SDK1: variants seen among roughly 807,000 people sequenced by gnomAD.
SDK1 encodes sidekick cell adhesion molecule 1.
A neutral mutation model predicts 245.5 loss-of-function variants in SDK1; 157 were observed. The observed-to-expected ratio is 0.64, with a 90% CI of 0.56 to 0.73. SDK1 has a LOEUF of 0.73. Among genes scored for constraint, SDK1 ranks in the 30% least tolerant of loss-of-function variants. The pLI, the probability that SDK1 is intolerant of heterozygous loss-of-function variation, is 0.00. For synonymous variants in SDK1, 1,647 were observed against 1,278.5 expected, an observed-to-expected ratio of 1.29 and a Z score of -6.15; for missense variants, 3,583 against 3,002.3, an observed-to-expected ratio of 1.19 and a Z score of -4.52.
intron 4 of SDK1, among the ~76,000 whole-genome samples, chr7:3,818,564 C>A (rs1423546650): frequency 1.3e-5 from 2 of 152,128 alleles, no homozygotes; most frequent in African/African-American, 2.4e-5. Flanking sequence ...GTGCATAGAA[C>A]CCTTAAATCC....
intron 14 of SDK1, among the ~76,000 whole-genome samples, chr7:3,999,931 G>A (rs1010531002): frequency 5.3e-5 from 8 of 152,178 alleles, no homozygotes; most frequent in South Asian, 2.1e-4. Flanking sequence ...CCAGACCCGA[G>A]TCTTGTACAA....
chr7:4,264,458 TCC>T (rs1788309163), intron 44 of SDK1, among the ~76,000 whole-genome samples: 1 of 126,284 alleles, frequency 7.9e-6, no homozygotes, highest in Admixed American at 8.4e-5. Context: ...CGTGGACCTC[TCC>T]TGAGTGAGGG....
intron 22 of SDK1, among the ~76,000 whole-genome samples, chr7:4,093,258 GT>G: frequency 6.6e-6 from 1 of 152,082 alleles, no homozygotes; most frequent in Middle Eastern, 3.4e-3. Context: ...AATGTTATAT[GT>G]TTTCATTTGC....
chr7:4,169,953 C>A (rs539302526), intron 32 of SDK1, among the ~76,000 whole-genome samples: 14 of 152,320 alleles, frequency 9.2e-5, no homozygotes, highest in African/African-American at 3.1e-4. Flanking sequence ...GAGAACACTT[C>A]CTTGGGGCTC....
chr7:3,510,116 T>C (rs892392103), intron 1 of SDK1, among the ~76,000 whole-genome samples: 2 of 152,172 alleles, frequency 1.3e-5, no homozygotes, highest in African/African-American at 2.4e-5. Flanking sequence ...GTCGACCTTA[T>C]CAAAAGTAGG....
intron 1 of SDK1, among the ~76,000 whole-genome samples, chr7:3,418,847 A>C (rs1468370016): frequency 6.6e-6 from 1 of 152,080 alleles, no homozygotes; most frequent in Non-Finnish European, 1.5e-5. Context: ...GATCTCCCCT[A>C]CCCCTCGCCT....
intron 22 of SDK1, among the ~76,000 whole-genome samples, chr7:4,096,775 C>T (rs977088320): frequency 1.8e-4 from 27 of 151,888 alleles, no homozygotes; most frequent in African/African-American, 6.3e-4. Flanking sequence ...GCCAGCAGGG[C>T]AGGTTCAGGC....
intron 2 of SDK1, among the ~76,000 whole-genome samples, chr7:3,631,853 A>G (rs569952323): frequency 3.9e-5 from 6 of 152,320 alleles, no homozygotes; most frequent in South Asian, 2.1e-4. Context: ...ATTGTTGACA[A>G]ATACTCCCGA....
chr7:4,000,139 A>G (rs903312816), intron 14 of SDK1, among the ~76,000 whole-genome samples: 1 of 152,224 alleles, frequency 6.6e-6, no homozygotes, highest in South Asian at 2.1e-4. Flanking sequence ...AGGGGGCCCA[A>G]GATGGCCTAG....
At chr7:3,452,778 G>A (rs1780554866) in intron 1 of SDK1, among the ~76,000 whole-genome samples, 1 of 152,162 alleles carries the variant, frequency 6.6e-6, no homozygotes, top group African/African-American at 2.4e-5. Context: ...CCCCGCTGTT[G>A]ACTGTTTCCA....
At chr7:3,363,419 C>T (rs538583619) in intron 1 of SDK1, among the ~76,000 whole-genome samples, 1 of 151,944 alleles carries the variant, frequency 6.6e-6, no homozygotes, top group Non-Finnish European at 1.5e-5. Context: ...AATAAAGTCG[C>T]TATAAACATT....
intron 35 of SDK1, among the ~76,000 whole-genome samples, chr7:4,193,894 A>C (rs1305108497): frequency 6.6e-6 from 1 of 152,166 alleles, no homozygotes; most frequent in East Asian, 1.9e-4. Flanking sequence ...ACATGGTCAG[A>C]GGTATTATGT....
chr7:4,061,432 A>G (rs1156816971), intron 19 of SDK1, among the ~76,000 whole-genome samples: 1 of 152,170 alleles, frequency 6.6e-6, no homozygotes, highest in Admixed American at 6.5e-5. Context: ...CCACAATGAG[A>G]TACCATCTCA....
At chr7:3,378,814 G>A (rs1229901484) in intron 1 of SDK1, among the ~76,000 whole-genome samples, 3 of 152,034 alleles carry the variant, frequency 2.0e-5, no homozygotes, top group Non-Finnish European at 4.4e-5. Context: ...CCTGCTCGCT[G>A]GGGGGCCGGC....
intron 1 of SDK1, among the ~76,000 whole-genome samples, chr7:3,313,900 C>T (rs1228499864): frequency 6.6e-6 from 1 of 152,106 alleles, no homozygotes; most frequent in Non-Finnish European, 1.5e-5. Flanking sequence ...ACATGTCGTA[C>T]ACAATAAATA....
chr7:3,415,189 G>A (rs1779326234), intron 1 of SDK1, among the ~76,000 whole-genome samples: 1 of 152,156 alleles, frequency 6.6e-6, no homozygotes, highest in Admixed American at 6.5e-5. Context: ...GGAACCTGAA[G>A]TACTGAAGGA....
chr7:3,795,858 G>T lies in SDK1; in HGVS notation c.714-25592G>T, dbSNP rs77675192. Among the ~76,000 whole-genome samples, 813 of 152,248 alleles carry T rather than the reference G, an allele frequency of 5.3e-3. 9 individuals carry two copies. Among genetic ancestry groups the T allele is most frequent in the African/African-American group, 0.019 (781 of 41,552 alleles). ...AAAATCTGTGAAATTGACTGATTTT[G>T]CTCAGAATAATATCAGAGAGGGCAA... On this transcript the variant is annotated intron_variant, in intron 4 of 44. Coordinates refer to ENST00000404826, the MANE Select transcript of SDK1 (RefSeq NM_152744.4).
chr7:4,164,368 C>T (rs1449104813), intron 32 of SDK1, among the ~76,000 whole-genome samples: 2 of 152,156 alleles, frequency 1.3e-5, no homozygotes, highest in African/African-American at 4.8e-5. Flanking sequence ...GAGCTCAGGT[C>T]TCACACAACA....
chr7:3,822,179 G>T (rs1265733157), intron 5 of SDK1, among the ~76,000 whole-genome samples: 2 of 152,170 alleles, frequency 1.3e-5, no homozygotes, highest in Non-Finnish European at 2.9e-5. Flanking sequence ...CTACTAGCAA[G>T]AGTTAATTGC....
Sources: gnomAD v4.1 joint callset for allele counts (sites outside exome capture counted in the v4.1 genomes callset) on GRCh38, gnomAD v4.1.1 for gene constraint, MANE v1.5 for transcripts, NCBI Gene and HGNC (gene_info 2026-07-23, HGNC 2026-07-21) for gene names.